The following DNAH12 variants were observed in gnomAD, a reference collection of about 807,000 sequenced individuals.
The protein encoded by DNAH12 is axonemal beta dynein heavy chain 12.
DNAH12 carries 285 observed loss-of-function variants against 371.5 expected under a neutral mutation model. That is an observed-to-expected ratio of 0.77 (90% CI 0.70 to 0.85). DNAH12 has a LOEUF of 0.85. DNAH12 is among the 40% of genes least tolerant of loss of function. The pLI, the probability that DNAH12 is intolerant of heterozygous loss-of-function variation, is 0.00. For missense variants in DNAH12, 3,611 were observed against 3,689.4 expected (o/e 0.98, Z 0.55); for synonymous variants, 1,200 against 1,213.0 (o/e 0.99, Z 0.22).
At chr3:57,510,745 G>A (rs772872291) in intron 5 of DNAH12, 45 bp downstream of exon 5, 11 of 1,575,992 alleles carry the variant, frequency 7.0e-6, no homozygotes, top group Admixed American at 5.5e-5. Context: ...GGGACGGGGG[G>A]AGGCCAAGGT....
At chr3:57,319,165 G>T (rs2061749866) in intron 65 of DNAH12, among the ~76,000 whole-genome samples, 1 of 152,084 alleles carries the variant, frequency 6.6e-6, no homozygotes, top group Non-Finnish European at 1.5e-5. Flanking sequence ...TTCCATTTCA[G>T]ATAGTTTGTT....
chr3:57,462,996 A>G (rs913040201), intron 17 of DNAH12, 121 bp from the exon 18 acceptor site: 65 of 626,666 alleles, frequency 1.0e-4, no homozygotes, highest in Non-Finnish European at 7.8e-5. Context: ...ATATATTTCT[A>G]TCAGTACAAT....
At chr3:57,368,589 A>G (rs2063101277) in intron 55 of DNAH12, among the ~76,000 whole-genome samples, 1 of 152,180 alleles carries the variant, frequency 6.6e-6, no homozygotes, top group Admixed American at 6.5e-5. Flanking sequence ...CTTCATGGTA[A>G]CTTTAATACA....
chr3:57,431,910 C>A (rs905097221), intron 32 of DNAH12, among the ~76,000 whole-genome samples: 1 of 152,164 alleles, frequency 6.6e-6, no homozygotes, highest in Admixed American at 6.5e-5. Flanking sequence ...AAAGAGAAAT[C>A]ATCACAAGGA....
chr3:57,378,217 G>A (rs1007218875), intron 52 of DNAH12, among the ~76,000 whole-genome samples: 149 of 152,188 alleles, frequency 9.8e-4, no homozygotes, highest in African/African-American at 3.3e-3. Flanking sequence ...TGGGAAGGCA[G>A]GAAAAAGCCT....
intron 45 of DNAH12, among the ~76,000 whole-genome samples, chr3:57,388,433 C>A (rs1230658788): frequency 6.6e-6 from 1 of 151,916 alleles, no homozygotes; most frequent in Non-Finnish European, 1.5e-5. Flanking sequence ...TCCTTTGTGG[C>A]AGACAATATG....
At chr3:57,548,545 C>A (rs1392495830), upstream of DNAH12, among the ~76,000 whole-genome samples, 1 of 152,048 alleles carries the variant, frequency 6.6e-6, no homozygotes, top group Non-Finnish European at 1.5e-5. Context: ...TCTGTCTCTA[C>A]AGAATATTTC....
Position 57,468,756 on chromosome 3 carries a change from C to G in DNAH12, c.2329G>C (p.Glu777Gln). The change falls in exon 17 of 74, where the codon GAA becomes CAA. Residue 777 changes from glutamate to glutamine, a missense_variant. Transcript: ENST00000495027. The part of the protein sequence containing the change: ...ATITMCSTVM[E>Q]QIKAFKEYIP... ...TATACCTTAAAAGCTTTTATCTGTT[C>G]CATGACTGTACTGCACATAGTAATA... 6.7e-7 allele frequency: 1 copy of G among 1,481,846 alleles called. No homozygotes were observed. The allele number at this position is 1,481,846 out of a possible 1,614,324, so 91.8% of individuals were successfully genotyped here.
chr3:57,388,456 A>AT (rs1179263985), intron 45 of DNAH12, among the ~76,000 whole-genome samples: 2,131 of 146,792 alleles, frequency 0.015, 23 homozygotes, highest in African/African-American at 0.034. Flanking sequence ...TTTTAAGACC[A>AT]TTTTTTTTTT....
chr3:57,399,288 A>G (rs1217652851), intron 43 of DNAH12, among the ~76,000 whole-genome samples: 1 of 152,152 alleles, frequency 6.6e-6, no homozygotes, highest in African/African-American at 2.4e-5. Flanking sequence ...AGACACACAG[A>G]AAACAAATAT....
chr3:57,409,140 AAAG>A (rs1220650191), intron 39 of DNAH12, among the ~76,000 whole-genome samples: 15 of 152,188 alleles, frequency 9.9e-5, no homozygotes, highest in African/African-American at 3.1e-4. Flanking sequence ...ATGAAATTTC[AAAG>A]AAGTTTTAAT....
Position 57,433,791 on chromosome 3 carries a change from T to A in DNAH12, c.4693A>T (p.Lys1565Ter). Residue 1565 changes from lysine (K) to a stop codon, truncating the protein, a stop_gained, in exon 31 of 74, where the codon AAA (lysine) becomes TAA (stop). Coordinates refer to ENST00000495027, the MANE Select transcript of DNAH12 (RefSeq NM_001366028.2). LOFTEE classifies it high-confidence loss of function. ...LVGEPFAAKT[K>*]VLHVLADTLT... ...GTATCCGCCAGCACATGCAGAACTTTTGTCTTAGCAGCAAAAGGCTCTCCT... is the reference window on the plus strand; with the variant it reads ...GTATCCGCCAGCACATGCAGAACTTATGTCTTAGCAGCAAAAGGCTCTCCT... The A allele has an allele frequency of 6.5e-7, 1 of 1,548,216 alleles. No homozygotes were observed. The highest frequency in any genetic ancestry group is 8.7e-7 in the Non-Finnish European group (1 of 1,146,086).
In DNAH12 at chr3:57,413,847, C is replaced by T. The variant is rs1553683804; in HGVS notation, c.5919G>A (p.Lys1973=). ...TCATATCATCTATAAAAATTATACA[C>T]TTCTTTCCCATAGGTGGTCCAAAGA... ...KGVFGPPMGK[K]CIIFIDDMNM... Residue 1973 remains lysine, a synonymous_variant, in exon 39 of 74, where the codon AAG becomes AAA. Coordinates refer to ENST00000495027, the MANE Select transcript of DNAH12 (RefSeq NM_001366028.2). 3 of 1,551,114 alleles carry T rather than the reference C, an allele frequency of 1.9e-6. No homozygotes were observed. Among genetic ancestry groups the T allele is most frequent in the Non-Finnish European group, 2.6e-6 (3 of 1,146,744 alleles).
At chr3:57,448,393 G>A (rs1575614474) in intron 25 of DNAH12, among the ~76,000 whole-genome samples, 1 of 152,002 alleles carries the variant, frequency 6.6e-6, no homozygotes, top group South Asian at 2.1e-4. Flanking sequence ...CTTCAGGAGA[G>A]AAGCTGCAGA....
At chr3:57,515,273 T>C (rs979393167) in intron 4 of DNAH12, among the ~76,000 whole-genome samples, 2 of 152,268 alleles carry the variant, frequency 1.3e-5, no homozygotes, top group South Asian at 2.1e-4. Flanking sequence ...CAAAAATCCC[T>C]GGAGAAATGA....
chr3:57,391,783 G>C (rs1165648313), intron 45 of DNAH12, 89 bp downstream of exon 45: 1 of 152,160 alleles, frequency 6.6e-6, no homozygotes, highest in East Asian at 1.9e-4. Context: ...AACACTTGCT[G>C]AATGTATATT....
chr3:57,383,182 A>T (rs1284063155), intron 49 of DNAH12, among the ~76,000 whole-genome samples: 1 of 152,170 alleles, frequency 6.6e-6, no homozygotes, highest in Non-Finnish European at 1.5e-5. Flanking sequence ...TCAGCCTGGG[A>T]TCTGATTCTT....
intron 29 of DNAH12, among the ~76,000 whole-genome samples, chr3:57,439,872 T>G (rs1268140820): frequency 6.6e-6 from 1 of 151,286 alleles, no homozygotes; most frequent in East Asian, 1.9e-4. Flanking sequence ...GGGCAAAGGA[T>G]ACGAACAGAT....
chr3:57,402,603 T>C (rs2063904824), intron 43 of DNAH12, among the ~76,000 whole-genome samples: 1 of 152,214 alleles, frequency 6.6e-6, no homozygotes, highest in Non-Finnish European at 1.5e-5. Flanking sequence ...AAACATTACA[T>C]GTTCTCACTT....
Sources: gnomAD v4.1 joint callset for allele counts (sites outside exome capture counted in the v4.1 genomes callset) on GRCh38, gnomAD v4.1.1 for gene constraint, MANE v1.5 for transcripts, NCBI Gene and HGNC (gene_info 2026-07-23, HGNC 2026-07-21) for gene names.